Variants in DNAH10 observed in about 807,000 individuals in gnomAD.
The protein encoded by DNAH10 is dynein axonemal heavy chain 10, also known as axonemal beta dynein heavy chain 10.
A neutral mutation model predicts 506.6 loss-of-function variants in DNAH10; 348 were observed. The observed-to-expected ratio is 0.69, with a 90% CI of 0.63 to 0.75. DNAH10 has a LOEUF of 0.75. Among genes scored for constraint, DNAH10 ranks in the 30% least tolerant of loss-of-function variants. The pLI, the probability that DNAH10 is intolerant of heterozygous loss-of-function variation, is 0.00. For synonymous variants in DNAH10, 2,059 were observed against 2,198.6 expected, an observed-to-expected ratio of 0.94 and a Z score of 1.78; for missense variants, 5,179 against 5,787.1, an observed-to-expected ratio of 0.89 and a Z score of 3.41.
rs1269825070 is a variant in DNAH10, at chr12:123,917,425, C to T, written c.11003-159C>T. Reference sequence around the variant, plus strand: ...GCATCGCTGTTTTGCTCCTGCCTGCCACCTTGCTGCTCTAGAGTGACTTTG... The same window carrying T: ...GCATCGCTGTTTTGCTCCTGCCTGCTACCTTGCTGCTCTAGAGTGACTTTG... On this transcript the variant is annotated intron_variant, in intron 63 of 78. Coordinates refer to ENST00000673944, the MANE Select transcript of DNAH10 (RefSeq NM_001372106.1). The surrounding 1 kb of genome is among the most constrained non-coding windows in gnomAD (Gnocchi z 5.6). Among the ~76,000 whole-genome samples, 3 of 152,240 alleles carry T rather than the reference C, an allele frequency of 2.0e-5. No individual in the cohort carries two copies. Among genetic ancestry groups the T allele is most frequent in the Non-Finnish European group, 4.4e-5 (3 of 68,050 alleles).
intron 4 of DNAH10, 45 bp downstream of exon 4, chr12:123,772,987 G>GT (rs761087376): frequency 7.6e-7 from 1 of 1,316,824 alleles, no homozygotes. Flanking sequence ...GAGGGGGTGT[G>GT]GTTGTGCATG....
intron 1 of DNAH10, among the ~76,000 whole-genome samples, chr12:123,764,243 AAAC>A (rs939993451): frequency 6.6e-6 from 1 of 152,162 alleles, no homozygotes. Flanking sequence ...AACCATAAAT[AAAC>A]AACAATAACA....
Position 123,813,738 on chromosome 12 carries a change from G to T in DNAH10, c.3622-16G>T. 2 of 1,613,248 alleles carry T rather than the reference G, an allele frequency of 1.2e-6. No individual in the cohort carries two copies. Among genetic ancestry groups the T allele is most frequent in the Non-Finnish European group, 1.7e-6 (2 of 1,179,876 alleles). On this transcript the variant is annotated splice_polypyrimidine_tract_variant and intron_variant, in intron 20 of 78. Coordinates refer to ENST00000673944, the MANE Select transcript of DNAH10 (RefSeq NM_001372106.1). Reference sequence around the variant, plus strand: ...TTTCTGTGTTTGCTTAGTGTTCTTTGTACTTTCTGTTATAGCACCTGGCCA... The same window carrying T: ...TTTCTGTGTTTGCTTAGTGTTCTTTTTACTTTCTGTTATAGCACCTGGCCA...
At position 123,907,819 on chromosome 12, in the gene DNAH10, G is replaced by A. The variant is rs949940539; in HGVS notation, c.9816-1442G>A. Among the ~76,000 whole-genome samples the A allele has an allele frequency of 1.3e-5, 2 of 152,156 alleles. No homozygotes were observed. Among genetic ancestry groups the A allele is most frequent in the Admixed American group, 6.5e-5 (1 of 15,278 alleles). ...TTTAAAGACACTTGACAGCCCCGCC[G>A]CTTTCCTAAGCAGCCAACACCAGCG... is the stretch of plus-strand genomic sequence containing the variant. On this transcript the variant is annotated intron_variant, in intron 57 of 78. Transcript: ENST00000673944. This position sits in a 1 kb window ranked among gnomAD's most constrained non-coding sequence, Gnocchi z 4.4.
chr12:123,850,902 G>A lies in DNAH10; in HGVS notation c.6117G>A (p.Glu2039=), dbSNP rs1951132938. 6.2e-7 allele frequency: 1 copy of A among 1,611,886 alleles called. No homozygotes were observed. Among genetic ancestry groups the A allele is most frequent in the Non-Finnish European group, 8.5e-7 (1 of 1,178,568 alleles). ...QLTTFQFEGQ[E]ISLDSRMGIF... ...TTGCCCTCCAGTTTGAAGGGCAGGA[G>A]ATTTCCCTGGACTCCCGCATGGGCA... is the stretch of plus-strand genomic sequence containing the variant. The change falls in exon 35 of 79, where the codon GAG becomes GAA. Residue 2039 remains glutamate (E), a synonymous_variant. Coordinates refer to ENST00000673944, the MANE Select transcript of DNAH10 (RefSeq NM_001372106.1). The surrounding 1 kb of genome is among the most constrained non-coding windows in gnomAD (Gnocchi z 5.5).
intron 45 of DNAH10, among the ~76,000 whole-genome samples, chr12:123,872,561 A>T (rs1408220940): frequency 6.6e-6 from 1 of 152,154 alleles, no homozygotes; most frequent in Admixed American, 6.5e-5. Context: ...TGGGTGCCCT[A>T]CGTGGAGAGA....
chr12:123,798,167 T>TG (rs1309747442), intron 13 of DNAH10, among the ~76,000 whole-genome samples: 1 of 152,232 alleles, frequency 6.6e-6, no homozygotes, highest in Non-Finnish European at 1.5e-5. Flanking sequence ...TCATGGACTG[T>TG]GGTTTGCAGA....
chr12:123,832,379 A>G (rs981989386), intron 26 of DNAH10, among the ~76,000 whole-genome samples: 1 of 152,216 alleles, frequency 6.6e-6, no homozygotes. Context: ...TGTACCCAAT[A>G]TACACAGGTA....
intron 24 of DNAH10, among the ~76,000 whole-genome samples, chr12:123,825,093 G>A (rs190056742): frequency 2.8e-4 from 43 of 152,278 alleles, no homozygotes; most frequent in Non-Finnish European, 4.1e-4. Context: ...AAACAGGTGA[G>A]TGTGACATCT....
At position 123,861,076 on chromosome 12, in the gene DNAH10, G is replaced by C; in HGVS notation, c.6814G>C (p.Gly2272Arg). ...AGCCGTGAGTGTCATAGAACTCTACGGCATCCTGGACCCAACCACCCGAGA... is the reference window on the plus strand; with the variant it reads ...AGCCGTGAGTGTCATAGAACTCTACCGCATCCTGGACCCAACCACCCGAGA... Reference protein sequence around the residue: ...PKAVSVIELYGILDPTTRDWT... With the variant: ...PKAVSVIELYRILDPTTRDWT... The change falls in exon 39 of 79, where the codon GGC becomes CGC. Residue 2272 changes from glycine (G) to arginine (R), a missense_variant. Coordinates refer to ENST00000673944, the MANE Select transcript of DNAH10 (RefSeq NM_001372106.1). 6.2e-7 allele frequency: 1 copy of C among 1,613,830 alleles called. No individual in the cohort carries two copies. Among genetic ancestry groups the C allele is most frequent in the Non-Finnish European group, 8.5e-7 (1 of 1,179,870 alleles).
At chr12:123,782,143 A>G (rs959811215) in intron 6 of DNAH10, among the ~76,000 whole-genome samples, 17 of 151,924 alleles carry the variant, frequency 1.1e-4, no homozygotes, top group Admixed American at 6.6e-4. Flanking sequence ...TTCAACTTCT[A>G]TGTTACCAAC....
chr12:123,835,881 T>C (rs1961085630), intron 28 of DNAH10, among the ~76,000 whole-genome samples: 1 of 152,190 alleles, frequency 6.6e-6, no homozygotes, highest in Non-Finnish European at 1.5e-5. Flanking sequence ...CACATTGGCC[T>C]CCCAAAGCAC....
chr12:123,851,173 T>C, intron 35 of DNAH10, 97 bp downstream of exon 35: 1 of 1,316,194 alleles, frequency 7.6e-7, no homozygotes, highest in Non-Finnish European at 1.0e-6. Context: ...CGTGTGGCTC[T>C]TCCAGACGGG....
chr12:123,819,307 G>A, intron 23 of DNAH10, 57 bp downstream of exon 23: 1 of 1,365,358 alleles, frequency 7.3e-7, no homozygotes, highest in South Asian at 1.3e-5. Context: ...GTTTGAGTAT[G>A]TTTTGCTTAA....
chr12:123,897,331 C>T (rs1469999753), intron 54 of DNAH10, among the ~76,000 whole-genome samples: 2 of 152,068 alleles, frequency 1.3e-5, no homozygotes, highest in East Asian at 3.8e-4. Flanking sequence ...CATTTGAGTC[C>T]CTGCTTTTCA....
intron 25 of DNAH10, among the ~76,000 whole-genome samples, chr12:123,827,624 A>G (rs1040728554): frequency 4.6e-5 from 7 of 152,058 alleles, no homozygotes; most frequent in Non-Finnish European, 1.0e-4. Context: ...GTGTTCCTCT[A>G]TTCCTCGGTC....
intron 1 of DNAH10, among the ~76,000 whole-genome samples, chr12:123,765,959 C>G (rs76455766): frequency 0.052 from 7,914 of 151,956 alleles, 270 homozygotes; most frequent in African/African-American, 0.089. Flanking sequence ...GTCTGTCTAC[C>G]TATCACTTAC....
rs150873851 is a variant in DNAH10 at position 123,847,662 on chromosome 12, C to T, written c.5815-299C>T. ...GATCAGGCAGCACCAATGTAACCTC[C>T]CTCCATCCTTCTGTTCTGTTCAGTC... On this transcript the variant is annotated intron_variant, in intron 32 of 78. Transcript: ENST00000673944. Among the ~76,000 whole-genome samples the T allele has an allele frequency of 3.5e-3, 540 of 152,324 alleles. 6 individuals are homozygous for T. Among genetic ancestry groups the T allele is most frequent in the African/African-American group, 0.012 (501 of 41,570 alleles).
rs759542716 is a variant in DNAH10, at chr12:123,918,878, C to T, written c.11435C>T (p.Ser3812Phe). The T allele has an allele frequency of 1.9e-6, 3 of 1,613,914 alleles. No individual in the cohort carries two copies. The highest frequency in any genetic ancestry group is 1.1e-5 in the South Asian group (1 of 91,070). ...TCACTGAAGAAGTCGCTGCCTGATT[C>T]CATCCTCATGAAACGCCTGAGGAAC... ...RLSLKKSLPD[S>F]ILMKRLRNIM... is the part of the protein sequence containing the mutation. Residue 3812 changes from serine to phenylalanine, a missense_variant, in exon 65 of 79, where the codon TCC becomes TTC. By Grantham distance (155) the Ser-to-Phe change is radical. Around this residue, in one of 3 missense-constraint regions of DNAH10, gnomAD observed 4,844 missense variants for 5,430.5 expected, o/e 0.89. Coordinates refer to ENST00000673944, the MANE Select transcript of DNAH10 (RefSeq NM_001372106.1).
Sources: gnomAD v4.1 joint callset for allele counts (sites outside exome capture counted in the v4.1 genomes callset) on GRCh38, gnomAD v4.1.1 for gene constraint, gnomAD v4.1.1 regional missense constraint, Gnocchi (gnomAD v3.1) non-coding constraint, MANE v1.5 for transcripts, NCBI Gene and HGNC (gene_info 2026-07-23, HGNC 2026-07-21) for gene names.